The following AUTS2 variants were observed in gnomAD, a reference collection of about 807,000 sequenced individuals.
The protein encoded by AUTS2 is activator of transcription and developmental regulator AUTS2.
In AUTS2, 17 loss-of-function variants were observed where a neutral mutation model predicts 112.4. The observed-to-expected ratio is 0.15, with a 90% confidence interval of 0.10 to 0.23. The LOEUF (loss-of-function observed/expected upper bound fraction) is 0.23, where lower values mean the gene tolerates loss of function less well. AUTS2 is among the 10% of genes least tolerant of loss of function. AUTS2 has a pLI of 1.00. For missense variants in AUTS2, 1,510 were observed against 1,701.6 expected (o/e 0.89, Z 1.98); for synonymous variants, 751 against 702.7 (o/e 1.07, Z -1.09).
At chr7:70,377,266 C>A (rs528416861) in intron 4 of AUTS2, among the ~76,000 whole-genome samples, 5 of 141,630 alleles carry the variant, frequency 3.5e-5, no homozygotes, top group Non-Finnish European at 6.1e-5. Flanking sequence ...TCCTCATACT[C>A]AAACTCTGAG....
At chr7:70,131,245 G>A (rs1039010510) in intron 3 of AUTS2, among the ~76,000 whole-genome samples, 2 of 151,988 alleles carry the variant, frequency 1.3e-5, no homozygotes, top group South Asian at 2.1e-4. Flanking sequence ...GAAGCCAGGA[G>A]TTTGAGACCA....
chr7:70,548,839 C>T (rs1278882001), intron 5 of AUTS2, among the ~76,000 whole-genome samples: 1 of 151,854 alleles, frequency 6.6e-6, no homozygotes, highest in African/African-American at 2.4e-5. Flanking sequence ...CTGTGCGTCT[C>T]CCAATTTTGT....
chr7:70,629,631 T>C (rs1239266692), intron 5 of AUTS2, among the ~76,000 whole-genome samples: 1 of 152,010 alleles, frequency 6.6e-6, no homozygotes, highest in Non-Finnish European at 1.5e-5. Flanking sequence ...AGCTGGTGAC[T>C]GACGGAGCCC....
At chr7:70,684,370 C>T (rs939342419) in intron 5 of AUTS2, among the ~76,000 whole-genome samples, 2 of 152,130 alleles carry the variant, frequency 1.3e-5, no homozygotes, top group Non-Finnish European at 2.9e-5. Flanking sequence ...GGAATAGTCA[C>T]GTGACTTATA....
At chr7:70,197,364 C>G (rs1810233885) in intron 4 of AUTS2, among the ~76,000 whole-genome samples, 2 of 151,934 alleles carry the variant, frequency 1.3e-5, no homozygotes, top group East Asian at 3.9e-4. Context: ...AGGAACAGCT[C>G]CGGTCTACAG....
chr7:69,689,274 T>G (rs1465728037), intron 1 of AUTS2, among the ~76,000 whole-genome samples: 1 of 151,746 alleles, frequency 6.6e-6, no homozygotes, highest in Non-Finnish European at 1.5e-5. Context: ...ACCTCTTTTC[T>G]CCATGATAGC....
chr7:70,430,910 A>G (rs1795634929), intron 4 of AUTS2, among the ~76,000 whole-genome samples: 2 of 132,602 alleles, frequency 1.5e-5, no homozygotes, highest in Admixed American at 9.5e-5. Flanking sequence ...ATCTCGGCTC[A>G]CTGCAAGCTC....
At chr7:69,955,809 T>C (rs1450870686) in intron 2 of AUTS2, among the ~76,000 whole-genome samples, 5 of 152,126 alleles carry the variant, frequency 3.3e-5, no homozygotes, top group African/African-American at 7.2e-5. Flanking sequence ...TGGGACTCCC[T>C]AGCTCGACAC....
intron 1 of AUTS2, among the ~76,000 whole-genome samples, chr7:69,895,548 C>CCT (rs1554400681): frequency 1.4e-5 from 2 of 146,002 alleles, no homozygotes; most frequent in South Asian, 2.4e-4. Context: ...CTTCTTCCCC[C>CCT]CCCCCGAGTG....
intron 5 of AUTS2, among the ~76,000 whole-genome samples, chr7:70,537,308 GTAC>G (rs1299317109): frequency 6.6e-6 from 1 of 152,132 alleles, no homozygotes; most frequent in Non-Finnish European, 1.5e-5. Flanking sequence ...TCCACTCCCA[GTAC>G]TACAACATTG....
chr7:70,550,475 C>G (rs1453421785), intron 5 of AUTS2, among the ~76,000 whole-genome samples: 1 of 152,054 alleles, frequency 6.6e-6, no homozygotes, highest in Non-Finnish European at 1.5e-5. Context: ...ATCCTGTGTC[C>G]TCAAAGAAGT....
chr7:69,656,622 C>G (rs1054729204), intron 1 of AUTS2, among the ~76,000 whole-genome samples: 1 of 152,072 alleles, frequency 6.6e-6, no homozygotes, highest in African/African-American at 2.4e-5. Context: ...CTTGCTCCTC[C>G]CTGACATTGA....
chr7:69,799,719 T>A (rs1032940066), intron 1 of AUTS2, among the ~76,000 whole-genome samples: 11 of 152,226 alleles, frequency 7.2e-5, no homozygotes, highest in African/African-American at 2.7e-4. Flanking sequence ...GTTTTTTGAT[T>A]TGTAAATCCA....
At chr7:69,911,433 A>G (rs1562964017) in intron 2 of AUTS2, among the ~76,000 whole-genome samples, 1 of 152,128 alleles carries the variant, frequency 6.6e-6, no homozygotes, top group Non-Finnish European at 1.5e-5. Context: ...CAGGGGGGAA[A>G]GTGTGTTTCA....
At chr7:70,384,155 G>A (rs1018272809) in intron 4 of AUTS2, among the ~76,000 whole-genome samples, 4 of 152,190 alleles carry the variant, frequency 2.6e-5, no homozygotes, top group Admixed American at 1.3e-4. Context: ...TGATCTGTGC[G>A]CATGTGCTCA....
intron 2 of AUTS2, among the ~76,000 whole-genome samples, chr7:69,948,584 T>A (rs1203671123): frequency 6.6e-6 from 1 of 152,240 alleles, no homozygotes; most frequent in South Asian, 2.1e-4. Context: ...AGCAGACTTA[T>A]TATTTTCCAT....
intron 5 of AUTS2, among the ~76,000 whole-genome samples, chr7:70,638,798 C>G (rs1805656942): frequency 6.6e-6 from 1 of 152,034 alleles, no homozygotes; most frequent in Non-Finnish European, 1.5e-5. Flanking sequence ...ACTTTAGCAC[C>G]CTGGAAAACA....
At chr7:70,666,314 G>A (rs6961823) in intron 5 of AUTS2, among the ~76,000 whole-genome samples, 28,251 of 152,194 alleles carry the variant, frequency 0.19, 2,900 homozygotes, top group Middle Eastern at 0.28. Context: ...GTGATATGGA[G>A]GTATTTGCTA....
At chr7:70,087,111 C>A (rs1278148263) in intron 2 of AUTS2, among the ~76,000 whole-genome samples, 1 of 151,862 alleles carries the variant, frequency 6.6e-6, no homozygotes, top group Non-Finnish European at 1.5e-5. Context: ...AGGTTTTCTG[C>A]ACATACCTTT....
Sources: gnomAD v4.1 joint callset for allele counts (sites outside exome capture counted in the v4.1 genomes callset) on GRCh38, gnomAD v4.1.1 for gene constraint, MANE v1.5 for transcripts, NCBI Gene and HGNC (gene_info 2026-07-23, HGNC 2026-07-21) for gene names.